The following TMEM117 variants were observed in gnomAD, a reference collection of about 807,000 sequenced individuals.
TMEM117 encodes the protein transmembrane protein 117.
Under a neutral mutation model 52.4 loss-of-function variants are expected in TMEM117, and 27 were observed. That is an observed-to-expected ratio of 0.51 (90% CI 0.38 to 0.71). The LOEUF is 0.71. Ranked by LOEUF, TMEM117 falls within the 30% of genes least tolerant of loss-of-function variation. The pLI, the probability that TMEM117 is intolerant of heterozygous loss-of-function variation, is 0.00. For synonymous variants in TMEM117, 215 were observed against 206.3 expected (o/e 1.04, Z -0.36); for missense variants, 556 against 630.5 (o/e 0.88, Z 1.26).
chr12:43,996,677 G>C (rs1338736242), intron 3 of TMEM117, among the ~76,000 whole-genome samples: 1 of 88,174 alleles, frequency 1.1e-5, no homozygotes, highest in Admixed American at 1.2e-4. Context: ...AATAAATTTA[G>C]GGAATGTCTG....
chr12:43,851,655 A>G (rs1825223207), intron 2 of TMEM117, among the ~76,000 whole-genome samples: 1 of 152,232 alleles, frequency 6.6e-6, no homozygotes, highest in South Asian at 2.1e-4. Context: ...ATTATTTGCA[A>G]CATACATGCA....
intron 4 of TMEM117, among the ~76,000 whole-genome samples, chr12:44,151,840 TATATATA>T (rs1465745697): frequency 1.5e-5 from 2 of 135,012 alleles, no homozygotes; most frequent in Non-Finnish European, 3.1e-5. Flanking sequence ...GAATAATGTT[TATATATA>T]ATATATAATA....
chr12:43,850,858 AGGTGATGATGAT>A (rs1325972862), intron 2 of TMEM117, among the ~76,000 whole-genome samples: 3 of 128,758 alleles, frequency 2.3e-5, no homozygotes, highest in African/African-American at 4.6e-5. Flanking sequence ...AACTTCTGAT[AGGTGATGATGAT>A]GGTGATGATG....
At chr12:44,277,832 C>T (rs571326095) in intron 5 of TMEM117, among the ~76,000 whole-genome samples, 18 of 138,720 alleles carry the variant, frequency 1.3e-4, no homozygotes, top group Non-Finnish European at 2.4e-4. Context: ...GGTGTGATCT[C>T]GGCTCACTGC....
chr12:44,276,008 G>A (rs776815719), intron 5 of TMEM117, among the ~76,000 whole-genome samples: 5 of 152,134 alleles, frequency 3.3e-5, no homozygotes, highest in Admixed American at 6.5e-5. Flanking sequence ...CAATTTTTAT[G>A]ATGTGATTAT....
chr12:44,050,343 A>C (rs1286238851), intron 3 of TMEM117, among the ~76,000 whole-genome samples: 1 of 151,986 alleles, frequency 6.6e-6, no homozygotes, highest in East Asian at 1.9e-4. Flanking sequence ...CGCCTGGCTA[A>C]TTTTTGCATT....
Position 44,388,494 on chromosome 12 carries a change from C to A in TMEM117, c.1367C>A (p.Ser456Ter). 1.2e-6 allele frequency: 2 copies of A among 1,613,500 alleles called. No homozygotes were observed. The highest frequency in any genetic ancestry group is 2.2e-5 in the South Asian group (2 of 91,068). Residue 456 changes from serine to a stop codon, truncating the protein, a stop_gained, in exon 8 of 8, where the codon TCA becomes TAA. Transcript: ENST00000266534. LOFTEE classifies it high-confidence loss of function. ...ATCACTCGAGAAAACACCCAGGCTT[C>A]AGTAGAAGACCCCTTGAATGACCCT... The part of the protein sequence containing the change: ...MGITRENTQA[S>*]VEDPLNDPSL...
intron 2 of TMEM117, among the ~76,000 whole-genome samples, chr12:43,898,073 G>A (rs574311762): frequency 3.3e-5 from 5 of 149,622 alleles, no homozygotes; most frequent in Admixed American, 2.7e-4. Context: ...CACACACACC[G>A]ATTTCCTTCA....
intron 4 of TMEM117, among the ~76,000 whole-genome samples, chr12:44,150,358 G>A (rs1412549085): frequency 6.6e-6 from 1 of 152,068 alleles, no homozygotes; most frequent in Non-Finnish European, 1.5e-5. Context: ...ATAGTTCTAT[G>A]GTGTCACATA....
intron 3 of TMEM117, among the ~76,000 whole-genome samples, chr12:44,032,872 G>A (rs544027160): frequency 1.3e-5 from 2 of 152,234 alleles, no homozygotes; most frequent in African/African-American, 4.8e-5. Flanking sequence ...TCTGCAACCC[G>A]TAGGATTAAG....
chr12:43,961,001 A>G (rs1945393782), intron 3 of TMEM117, among the ~76,000 whole-genome samples: 1 of 152,114 alleles, frequency 6.6e-6, no homozygotes. Context: ...GATATAATAG[A>G]AACAGCATGG....
chr12:43,844,567 A>C, intron 1 of TMEM117, 57 bp from the exon 2 acceptor site: 1 of 1,438,240 alleles, frequency 7.0e-7, no homozygotes, highest in Middle Eastern at 2.0e-4. Context: ...ACTGATAAAA[A>C]GAAGAAAGCC....
chr12:44,193,440 CTG>C (rs1949380900), intron 4 of TMEM117, among the ~76,000 whole-genome samples: 1 of 152,160 alleles, frequency 6.6e-6, no homozygotes, highest in African/African-American at 2.4e-5. Context: ...ATGAGTAGGA[CTG>C]TGACTGGCTT....
intron 3 of TMEM117, among the ~76,000 whole-genome samples, chr12:44,088,050 C>T (rs1947601639): frequency 2.0e-5 from 3 of 152,086 alleles, no homozygotes; most frequent in Admixed American, 6.6e-5. Flanking sequence ...CAGCTGATAG[C>T]GTGATGATAT....
chr12:44,252,546 T>G lies in TMEM117; in HGVS notation c.608+41159T>G, dbSNP rs148818597. On this transcript the variant is annotated intron_variant, in intron 5 of 7. Transcript: ENST00000266534. ...CAAACAAAAAACAAAAAGCAAAGATTCAGCTTGAATGCCATTTTTTGTGAA... is the reference window on the plus strand; with the variant it reads ...CAAACAAAAAACAAAAAGCAAAGATGCAGCTTGAATGCCATTTTTTGTGAA... 1.2e-3 allele frequency among the ~76,000 whole-genome samples: 189 copies of G among 152,212 alleles called. 1 individual carries two copies. The highest frequency in any genetic ancestry group is 4.1e-3 in the African/African-American group (169 of 41,546).
intron 3 of TMEM117, among the ~76,000 whole-genome samples, chr12:44,055,052 C>T (rs1947032936): frequency 6.6e-6 from 1 of 152,104 alleles, no homozygotes; most frequent in Admixed American, 6.5e-5. Flanking sequence ...ATGTTTATTA[C>T]TTTCTTCCTT....
At chr12:44,121,991 A>G (rs1565837208) in intron 3 of TMEM117, among the ~76,000 whole-genome samples, 1 of 151,442 alleles carries the variant, frequency 6.6e-6, no homozygotes, top group Non-Finnish European at 1.5e-5. Context: ...ACTTACGGTA[A>G]TAGCCTCCAG....
intron 3 of TMEM117, among the ~76,000 whole-genome samples, chr12:44,090,110 A>G (rs2138040043): frequency 6.6e-6 from 1 of 152,294 alleles, no homozygotes; most frequent in South Asian, 2.1e-4. Flanking sequence ...ATCAATTCTG[A>G]TACATTAAAC....
At chr12:44,229,800 T>C (rs943854148) in intron 5 of TMEM117, among the ~76,000 whole-genome samples, 2 of 152,078 alleles carry the variant, frequency 1.3e-5, no homozygotes, top group Admixed American at 6.6e-5. Flanking sequence ...TGGAAGAAAA[T>C]TTGTTATAGA....
Sources: gnomAD v4.1 joint callset for allele counts (sites outside exome capture counted in the v4.1 genomes callset) on GRCh38, gnomAD v4.1.1 for gene constraint, MANE v1.5 for transcripts, NCBI Gene and HGNC (gene_info 2026-07-23, HGNC 2026-07-21) for gene names.